MGAT4C: variants seen among roughly 807,000 people sequenced by gnomAD.
MGAT4C encodes the protein MGAT4 family member C.
In MGAT4C, 19 loss-of-function variants were observed where a neutral mutation model predicts 40.1. The ratio of observed to expected loss-of-function variants is 0.47; its 90% CI spans 0.33 to 0.70. MGAT4C has a LOEUF of 0.70. Among genes scored for constraint, MGAT4C ranks in the 30% least tolerant of loss-of-function variants. The pLI, the probability that MGAT4C is intolerant of heterozygous loss-of-function variation, is 0.02. For missense variants in MGAT4C, 491 were observed against 563.2 expected, an observed-to-expected ratio of 0.87 and a Z score of 1.30; for synonymous variants, 181 against 187.1, an observed-to-expected ratio of 0.97 and a Z score of 0.27.
intron 2 of MGAT4C, among the ~76,000 whole-genome samples, chr12:85,989,876 A>C (rs903733352): frequency 2.0e-5 from 3 of 152,132 alleles, no homozygotes; most frequent in Non-Finnish European, 4.4e-5. Flanking sequence ...CACAATAGAA[A>C]AACAGTCAAG....
intron 1 of MGAT4C, among the ~76,000 whole-genome samples, chr12:86,820,726 C>A (rs1469962250): frequency 4.6e-5 from 7 of 150,752 alleles, no homozygotes; most frequent in Non-Finnish European, 1.0e-4. Context: ...AAGAGAGATA[C>A]AATATCTTGA....
intron 1 of MGAT4C, among the ~76,000 whole-genome samples, chr12:86,836,334 T>C (rs1054926122): frequency 6.6e-6 from 1 of 151,986 alleles, no homozygotes; most frequent in Admixed American, 6.6e-5. Context: ...CTTCATTTCC[T>C]CCCTCTGTGT....
At chr12:86,799,740 A>G (rs1363496022) in intron 1 of MGAT4C, among the ~76,000 whole-genome samples, 1 of 151,266 alleles carries the variant, frequency 6.6e-6, no homozygotes, top group Non-Finnish European at 1.5e-5. Context: ...TTTATTGTGG[A>G]TTGCGGGTAG....
At chr12:86,047,190 A>G (rs1045331019) in intron 2 of MGAT4C, among the ~76,000 whole-genome samples, 13 of 152,138 alleles carry the variant, frequency 8.5e-5, no homozygotes, top group African/African-American at 3.1e-4. Context: ...TATTCTAGGC[A>G]TAGCAGTTGT....
intron 1 of MGAT4C, among the ~76,000 whole-genome samples, chr12:86,230,503 G>A (rs963636615): frequency 6.6e-6 from 1 of 152,254 alleles, no homozygotes; most frequent in South Asian, 2.1e-4. Context: ...TACAGTGTTT[G>A]TGTAAACAAA....
intron 2 of MGAT4C, among the ~76,000 whole-genome samples, chr12:86,623,680 T>C (rs926697251): frequency 9.9e-5 from 15 of 152,196 alleles, no homozygotes; most frequent in African/African-American, 3.6e-4. Context: ...AAAATTTGTT[T>C]GTCCATAAAA....
At chr12:86,542,386 T>C (rs1200670098) in intron 2 of MGAT4C, among the ~76,000 whole-genome samples, 1 of 152,184 alleles carries the variant, frequency 6.6e-6, no homozygotes, top group East Asian at 1.9e-4. Flanking sequence ...CAGAATCTGT[T>C]ACTCAACCAA....
chr12:86,275,944 C>CAAAA (rs748476574), intron 4 of MGAT4C, among the ~76,000 whole-genome samples: 1,831 of 69,034 alleles, frequency 0.027, 124 homozygotes, highest in African/African-American at 0.06. Flanking sequence ...ACTAAAAATC[C>CAAAA]AAAAAAAAAA....
intron 4 of MGAT4C, among the ~76,000 whole-genome samples, chr12:86,285,388 T>C (rs1953328603): frequency 6.6e-6 from 1 of 152,046 alleles, no homozygotes; most frequent in South Asian, 2.1e-4. Context: ...AGCATTGTGC[T>C]TTGCTTGTAA....
chr12:86,764,558 C>T (rs1457566674), intron 1 of MGAT4C, among the ~76,000 whole-genome samples: 1 of 67,962 alleles, frequency 1.5e-5, no homozygotes, highest in Non-Finnish European at 3.6e-5. Flanking sequence ...GGCAGACTGC[C>T]TCCTCAAGTG....
At chr12:86,580,521 C>A (rs1960739901) in intron 2 of MGAT4C, among the ~76,000 whole-genome samples, 1 of 151,298 alleles carries the variant, frequency 6.6e-6, no homozygotes, top group Non-Finnish European at 1.5e-5. Context: ...TTGACAGAAA[C>A]ATTTATCAGC....
intron 1 of MGAT4C, among the ~76,000 whole-genome samples, chr12:86,160,133 T>C (rs1340870137): frequency 1.3e-5 from 2 of 152,062 alleles, no homozygotes; most frequent in Admixed American, 1.3e-4. Flanking sequence ...CAAAGTTACA[T>C]TGCTAATTTG....
At chr12:86,011,942 A>G (rs1340104515) in intron 2 of MGAT4C, 1 of 792,804 alleles carries the variant, frequency 1.3e-6, no homozygotes, top group Non-Finnish European at 1.5e-6. Context: ...GAGTTACTTG[A>G]GCAGGAGATC....
At chr12:86,786,045 C>G (rs1349234544) in intron 1 of MGAT4C, among the ~76,000 whole-genome samples, 1 of 152,000 alleles carries the variant, frequency 6.6e-6, no homozygotes, top group Non-Finnish European at 1.5e-5. Context: ...TACAGCAATT[C>G]TATGTTTACG....
At chr12:86,254,087 G>C (rs903727666) in intron 1 of MGAT4C, among the ~76,000 whole-genome samples, 1 of 151,804 alleles carries the variant, frequency 6.6e-6, no homozygotes, top group Non-Finnish European at 1.5e-5. Context: ...TTTAAAAGGA[G>C]GCAGAGAATA....
intron 1 of MGAT4C, among the ~76,000 whole-genome samples, chr12:86,223,858 C>T (rs1950974657): frequency 6.6e-6 from 1 of 152,162 alleles, no homozygotes; most frequent in South Asian, 2.1e-4. Flanking sequence ...TGAAATGGGG[C>T]CTTGGCCTAC....
intron 1 of MGAT4C, among the ~76,000 whole-genome samples, chr12:86,072,266 C>T (rs759151250): frequency 6.6e-6 from 1 of 152,026 alleles, no homozygotes; most frequent in African/African-American, 2.4e-5. Context: ...ACTAATTATA[C>T]AGAAAAGTCT....
intron 1 of MGAT4C, among the ~76,000 whole-genome samples, chr12:86,227,530 A>T (rs974381295): frequency 6.6e-6 from 1 of 151,950 alleles, no homozygotes; most frequent in African/African-American, 2.4e-5. Flanking sequence ...ACCCTGTTAG[A>T]GATATCTTCA....
chr12:86,373,086 T>C (rs1955752214), intron 3 of MGAT4C, among the ~76,000 whole-genome samples: 1 of 151,782 alleles, frequency 6.6e-6, no homozygotes, highest in African/African-American at 2.4e-5. Context: ...ATATATTAAC[T>C]CATTTAATTT....
Sources: gnomAD v4.1 joint callset for allele counts (sites outside exome capture counted in the v4.1 genomes callset) on GRCh38, gnomAD v4.1.1 for gene constraint, MANE v1.5 for transcripts, NCBI Gene and HGNC (gene_info 2026-07-23, HGNC 2026-07-21) for gene names.